Variants in SKAP1 observed in about 807,000 individuals in gnomAD.
SKAP1 encodes src kinase-associated phosphoprotein 1.
SKAP1 carries 44 observed loss-of-function variants against 58.5 expected under a neutral mutation model. That is an observed-to-expected ratio of 0.75 (90% CI 0.59 to 0.97). The LOEUF is 0.97. SKAP1 is among the 50% of genes least tolerant of loss of function. The pLI, the probability that SKAP1 is intolerant of heterozygous loss-of-function variation, is 0.00. For synonymous variants in SKAP1, 127 were observed against 149.7 expected (o/e 0.85, Z 1.11); for missense variants, 390 against 435.2 (o/e 0.90, Z 0.92).
chr17:48,440,018 C>T, the SKAP1 span, among the ~76,000 whole-genome samples: 5 of 152,084 alleles, frequency 3.3e-5, no homozygotes, highest in Admixed American at 2.6e-4. Context: ...ATCTCTGGGA[C>T]GAAGCACCAG....
chr17:48,172,769 C>G (rs998739629), intron 9 of SKAP1, among the ~76,000 whole-genome samples: 2 of 152,058 alleles, frequency 1.3e-5, no homozygotes, highest in African/African-American at 2.4e-5. Context: ...AATATGAGTT[C>G]CGGTATGCCA....
chr17:48,270,868 T>A (rs1355661627), intron 4 of SKAP1, among the ~76,000 whole-genome samples: 2 of 151,802 alleles, frequency 1.3e-5, no homozygotes, highest in African/African-American at 4.8e-5. Flanking sequence ...AAATTTGCAC[T>A]ATAATTATTA....
chr17:48,301,849 G>T (rs2066061413), intron 4 of SKAP1, among the ~76,000 whole-genome samples: 1 of 152,108 alleles, frequency 6.6e-6, no homozygotes, highest in South Asian at 2.1e-4. Context: ...TAGGAACCTT[G>T]CAGTAGTCTC....
Position 48,424,286 on chromosome 17 carries a change from C to A in SKAP1, c.46+5789G>T, listed in dbSNP as rs1245523226. On this transcript the variant is annotated intron_variant, in intron 1 of 12. Transcript: ENST00000336915. Reference sequence around the variant, plus strand: ...TGTCACCCAGGCTGGAGTGCAGTGGCGCGATCTCAGCTCACTGCAAGCTCT... The same window carrying A: ...TGTCACCCAGGCTGGAGTGCAGTGGAGCGATCTCAGCTCACTGCAAGCTCT... Among the ~76,000 whole-genome samples, 7 of 137,136 alleles carry A rather than the reference C, an allele frequency of 5.1e-5. 1 individual carries two copies. The highest frequency in any genetic ancestry group is 1.7e-4 in the African/African-American group (6 of 36,330). 90.0% of individuals were successfully genotyped at this position (137,136 alleles called of 152,430 possible). A position where few individuals can be genotyped will look rare whatever the true frequency, so the allele number is the denominator to read the frequency against.
intron 6 of SKAP1, among the ~76,000 whole-genome samples, chr17:48,186,856 T>C (rs963567809): frequency 6.6e-6 from 1 of 152,174 alleles, no homozygotes; most frequent in Non-Finnish European, 1.5e-5. Context: ...ATTCCCTATA[T>C]TGGATATCCA....
chr17:48,173,458 G>A (rs1467380716), intron 9 of SKAP1, among the ~76,000 whole-genome samples: 1 of 152,094 alleles, frequency 6.6e-6, no homozygotes, highest in Non-Finnish European at 1.5e-5. Context: ...TTGTCTTCTC[G>A]TTACTCGTCC....
chr17:48,248,444 G>A (rs1312642453), intron 4 of SKAP1, among the ~76,000 whole-genome samples: 1 of 152,258 alleles, frequency 6.6e-6, no homozygotes, highest in East Asian at 1.9e-4. Flanking sequence ...GCATGTGCCT[G>A]TAATCCCAGC....
At chr17:48,397,003 T>A (rs538193709) in intron 1 of SKAP1, 39 of 199,410 alleles carry the variant, frequency 2.0e-4, no homozygotes, top group African/African-American at 9.2e-4. Flanking sequence ...TTTATAATAG[T>A]TAAGATGGTA....
chr17:48,286,277 T>C (rs1412245645), intron 4 of SKAP1, among the ~76,000 whole-genome samples: 1 of 152,234 alleles, frequency 6.6e-6, no homozygotes, highest in Non-Finnish European at 1.5e-5. Context: ...TTCAATCATA[T>C]AGGGATGCAT....
chr17:48,323,825 A>AACT (rs1244381711), intron 4 of SKAP1, among the ~76,000 whole-genome samples: 10 of 152,032 alleles, frequency 6.6e-5, no homozygotes, highest in African/African-American at 2.2e-4. Context: ...CACAGTGTTG[A>AACT]GGCTGGCTAC....
At chr17:48,241,285 G>A (rs771333750) in intron 4 of SKAP1, among the ~76,000 whole-genome samples, 6 of 152,120 alleles carry the variant, frequency 3.9e-5, no homozygotes, top group Admixed American at 1.3e-4. Context: ...GAGGCCTGAT[G>A]AATCTCCAGG....
In SKAP1 at chr17:48,282,032, C is replaced by T. The variant is rs148065016; in HGVS notation, c.280+63873G>A. On this transcript the variant is annotated intron_variant, in intron 4 of 12. Coordinates refer to ENST00000336915, the MANE Select transcript of SKAP1 (RefSeq NM_003726.4). ...AGCATTTACTTGATTCTTCATGCAC[C>T]GATAAGAATGGTAAAGAAAACAGAA... is the stretch of plus-strand genomic sequence containing the variant. Among the ~76,000 whole-genome samples, 72 of 152,116 alleles carry T rather than the reference C, an allele frequency of 4.7e-4. 1 individual carries two copies. Among genetic ancestry groups the T allele is most frequent in the African/African-American group, 1.6e-3 (68 of 41,496 alleles).
intron 11 of SKAP1, among the ~76,000 whole-genome samples, chr17:48,155,671 A>G (rs764417758): frequency 1.2e-4 from 18 of 152,080 alleles, no homozygotes; most frequent in Non-Finnish European, 2.1e-4. Context: ...AGCCTGGCCA[A>G]TATGGCAAAA....
chr17:48,279,695 C>T (rs891569978), intron 4 of SKAP1, among the ~76,000 whole-genome samples: 5 of 152,138 alleles, frequency 3.3e-5, no homozygotes, highest in South Asian at 2.1e-4. Context: ...CATGTTAATT[C>T]GAGGGCTGTG....
At chr17:48,266,907 G>A (rs1439639970) in intron 4 of SKAP1, among the ~76,000 whole-genome samples, 3 of 152,140 alleles carry the variant, frequency 2.0e-5, no homozygotes, top group Non-Finnish European at 2.9e-5. Context: ...GGTGAATGAA[G>A]TGGAAATGTC....
At chr17:48,433,510 C>A (rs975571351), upstream of SKAP1, among the ~76,000 whole-genome samples, 6 of 152,174 alleles carry the variant, frequency 3.9e-5, no homozygotes, top group Non-Finnish European at 8.8e-5. Flanking sequence ...TCCCGTCCCC[C>A]CCAGACCCAA....
chr17:48,318,787 C>A lies in SKAP1; in HGVS notation c.280+27118G>T, dbSNP rs151230352. On this transcript the variant is annotated intron_variant, in intron 4 of 12. Transcript: ENST00000336915. ...GCTGAGGTGGGAGGATCGCTTGGAG[C>A]ATGGGAGGTTGAGGCTGCAGTGAGT... Among the ~76,000 whole-genome samples the A allele has an allele frequency of 8.5e-5, 13 of 152,272 alleles. No individual in the cohort carries two copies. The East Asian group carries it at 2.5e-3, about 29-fold the overall frequency.
chr17:48,288,231 G>C (rs1180613276), intron 4 of SKAP1, among the ~76,000 whole-genome samples: 1 of 152,190 alleles, frequency 6.6e-6, no homozygotes, highest in African/African-American at 2.4e-5. Context: ...CTGACATACA[G>C]TGAGTTATGA....
At chr17:48,342,191 A>G (rs534593616) in intron 4 of SKAP1, among the ~76,000 whole-genome samples, 1 of 152,286 alleles carries the variant, frequency 6.6e-6, no homozygotes, top group East Asian at 1.9e-4. Context: ...GGTAAAAACT[A>G]TGCTTTTAGT....
Sources: gnomAD v4.1 joint callset for allele counts (sites outside exome capture counted in the v4.1 genomes callset) on GRCh38, gnomAD v4.1.1 for gene constraint, MANE v1.5 for transcripts, NCBI Gene and HGNC (gene_info 2026-07-23, HGNC 2026-07-21) for gene names.